CCAR1: variants seen among roughly 807,000 people sequenced by gnomAD.
CCAR1 encodes cell division cycle and apoptosis regulator protein 1.
Under a neutral mutation model 163.8 loss-of-function variants are expected in CCAR1, and 78 were observed. The ratio of observed to expected loss-of-function variants is 0.48; its 90% confidence interval spans 0.40 to 0.57. CCAR1 has a LOEUF of 0.57. Ranked by LOEUF, CCAR1 falls within the 20% of genes least tolerant of loss-of-function variation. The pLI, the probability that CCAR1 is intolerant of heterozygous loss-of-function variation, is 0.00. For synonymous variants in CCAR1, 443 were observed against 460.7 expected, an observed-to-expected ratio of 0.96 and a Z score of 0.49; for missense variants, 1,019 against 1,365.2, an observed-to-expected ratio of 0.75 and a Z score of 4.00.
chr10:68,766,075 T>C lies in CCAR1; in HGVS notation c.2294T>C (p.Phe765Ser). ...YRLEDNKEHSFEVSLFAELFN... is the reference protein window; with the variant it reads ...YRLEDNKEHSSEVSLFAELFN... ...TTAGAGGATAATAAAGAACATTCAT[T>C]TGAGGTAATGTTTTAAGTTTGAAAT... The change falls in exon 17 of 25, where the codon TTT becomes TCT. Residue 765 changes from phenylalanine to serine, a missense_variant. Coordinates refer to ENST00000265872, the MANE Select transcript of CCAR1 (RefSeq NM_018237.4). 6.3e-7 allele frequency: 1 copy of C among 1,595,162 alleles called. No homozygotes were observed. The highest frequency in any genetic ancestry group is 8.6e-7 in the Non-Finnish European group (1 of 1,163,416).
chr10:68,728,907 G>A (rs975086945), intron 2 of CCAR1, among the ~76,000 whole-genome samples: 17 of 151,512 alleles, frequency 1.1e-4, no homozygotes, highest in Non-Finnish European at 2.2e-4. Context: ...AGCCGAGATC[G>A]TGCCATTGCA....
At chr10:68,748,633 G>T (rs182112706) in intron 8 of CCAR1, among the ~76,000 whole-genome samples, 6 of 151,816 alleles carry the variant, frequency 4.0e-5, no homozygotes, top group Non-Finnish European at 1.5e-5. Flanking sequence ...GGGACTACAG[G>T]TGCGCGCCAC....
chr10:68,790,735 G>A (rs1008602236), intron 24 of CCAR1, among the ~76,000 whole-genome samples: 1 of 151,690 alleles, frequency 6.6e-6, no homozygotes, highest in Non-Finnish European at 1.5e-5. Flanking sequence ...CAGACCGGGC[G>A]CGGTGGCTCA....
At chr10:68,743,590 T>C (rs1236574707) in intron 6 of CCAR1, among the ~76,000 whole-genome samples, 3 of 152,020 alleles carry the variant, frequency 2.0e-5, no homozygotes, top group Non-Finnish European at 2.9e-5. Context: ...TCACCCAGGC[T>C]AGAGTGCAGT....
intron 2 of CCAR1, among the ~76,000 whole-genome samples, chr10:68,736,119 C>T (rs1564530519): frequency 6.6e-6 from 1 of 152,072 alleles, no homozygotes; most frequent in Non-Finnish European, 1.5e-5. Context: ...TCCCAGAGTT[C>T]TGGGATTGCA....
rs539397640 is a variant in CCAR1 at position 68,791,397 on chromosome 10, A to G, written c.*131A>G. The G allele has an allele frequency of 5.2e-5, 27 of 517,684 alleles. No individual in the cohort carries two copies. The highest frequency in any genetic ancestry group is 5.2e-4 in the African/African-American group (26 of 50,044). 32.1% of individuals were successfully genotyped at this position (517,684 alleles called of 1,614,324 possible). ...TGTATTTTAGTTCAAATGATGTATA[A>G]AGTTTTATGAATGTGAGTTTCTGCT... On this transcript the variant is annotated 3_prime_UTR_variant, in exon 25 of 25. Transcript: ENST00000265872.
intron 19 of CCAR1, among the ~76,000 whole-genome samples, chr10:68,781,019 G>A (rs2133421884): frequency 6.6e-6 from 1 of 151,084 alleles, no homozygotes; most frequent in East Asian, 2.0e-4. Context: ...ATCATTTGAG[G>A]TTAGGAGTTT....
rs1011800354 is a variant in CCAR1 at position 68,789,616 on chromosome 10, A to C, written c.3188-94A>C. On this transcript the variant is annotated intron_variant, in intron 23 of 24. Transcript: ENST00000265872. ...CATTGCCATTTTATGGAATTCTATC[A>C]GCTTTTTATTTTCACAGCTTAAATA... is the stretch of plus-strand genomic sequence containing the variant. 3 of 722,612 alleles carry C rather than the reference A, an allele frequency of 4.2e-6. No individual in the cohort carries two copies. The African/African-American group carries it at 5.4e-5, about 13-fold the overall frequency. The allele number at this position is 722,612 out of a possible 1,614,324, so 44.8% of individuals were successfully genotyped here.
intron 17 of CCAR1, among the ~76,000 whole-genome samples, chr10:68,769,411 A>T (rs2056573717): frequency 6.6e-6 from 1 of 152,162 alleles, no homozygotes. Context: ...GCCTGAGTTC[A>T]GGAGTTCAAG....
At chr10:68,744,832 T>C (rs922042838) in intron 6 of CCAR1, among the ~76,000 whole-genome samples, 18 of 150,744 alleles carry the variant, frequency 1.2e-4, no homozygotes, top group African/African-American at 4.1e-4. Context: ...TCTACTTAAC[T>C]CTTTTTTTTT....
At position 68,786,583 on chromosome 10, in the gene CCAR1, A is replaced by C; in HGVS notation, c.2771A>C (p.Asp924Ala). Residue 924 changes from aspartate to alanine, a missense_variant, in exon 21 of 25, where the codon GAT becomes GCT. Asp to Ala is a moderately radical substitution (Grantham distance 126, BLOSUM62 -2). Coordinates refer to ENST00000265872, the MANE Select transcript of CCAR1 (RefSeq NM_018237.4). ...ACTCAAATGATCACAATTAACAGAG[A>C]TCTGTTAATGGCTTTTGTTTATTTT... is the stretch of plus-strand genomic sequence containing the variant. Reference protein sequence around the residue: ...EKTQMITINRDLLMAFVYFDQ... With the variant: ...EKTQMITINRALLMAFVYFDQ... 1 of 1,587,176 alleles carries C rather than the reference A, an allele frequency of 6.3e-7. No homozygotes were observed. Among genetic ancestry groups the C allele is most frequent in the Non-Finnish European group, 8.6e-7 (1 of 1,165,222 alleles).
intron 8 of CCAR1, 94 bp downstream of exon 8, chr10:68,747,660 G>A: frequency 8.5e-7 from 1 of 1,182,742 alleles, no homozygotes; most frequent in East Asian, 2.4e-5. Context: ...GGGATTTCAA[G>A]AAAACTTGAA....
intron 17 of CCAR1, among the ~76,000 whole-genome samples, 169 bp from the exon 18 acceptor site, chr10:68,771,037 C>T (rs781426641): frequency 2.6e-5 from 4 of 151,730 alleles, no homozygotes; most frequent in Non-Finnish European, 5.9e-5. Context: ...AAGATCGTGC[C>T]GCTGCACTCC....
chr10:68,722,846 C>T (rs1195860497), intron 2 of CCAR1, among the ~76,000 whole-genome samples: 1 of 151,940 alleles, frequency 6.6e-6, no homozygotes, highest in Non-Finnish European at 1.5e-5. Context: ...CCCTTGAACC[C>T]GGGAGGTGGA....
intron 2 of CCAR1, among the ~76,000 whole-genome samples, chr10:68,734,754 G>T (rs545382093): frequency 2.0e-5 from 3 of 151,902 alleles, no homozygotes; most frequent in South Asian, 4.1e-4. Flanking sequence ...AAAATTTATT[G>T]CCCCAGGGAG....
chr10:68,735,782 C>T (rs577244959), intron 2 of CCAR1: 1 of 152,240 alleles, frequency 6.6e-6, no homozygotes, highest in East Asian at 1.9e-4. Flanking sequence ...CAGTCAGTAA[C>T]TGAATAACCG....
Position 68,766,046 on chromosome 10 carries a change from C to T in CCAR1, c.2265C>T (p.Tyr755=), listed in dbSNP as rs1261406327. The change falls in exon 17 of 25, where the codon TAC becomes TAT. Residue 755 remains tyrosine, a synonymous_variant. Coordinates refer to ENST00000265872, the MANE Select transcript of CCAR1 (RefSeq NM_018237.4). The part of the protein sequence containing the change: ...SIMSLSVLLD[Y]RLEDNKEHSF... ...TGTCTTTGAGTGTCCTATTGGACTA[C>T]AGATTAGAGGATAATAAAGAACATT... 37 of 1,612,544 alleles carry T rather than the reference C, an allele frequency of 2.3e-5. No homozygotes were observed. Among genetic ancestry groups the T allele is most frequent in the Non-Finnish European group, 2.8e-5 (33 of 1,178,958 alleles).
In CCAR1 at chr10:68,754,811, C is replaced by T; in HGVS notation, c.1442C>T (p.Pro481Leu). The change falls in exon 12 of 25, where the codon CCT (proline) becomes CTT (leucine). Residue 481 changes from proline (P) to leucine (L), a missense_variant. Physicochemically the swap from Pro to Leu is moderately conservative, Grantham distance 98. This residue lies in a region of CCAR1 where 644 missense variants were observed against 904.4 expected (regional missense o/e 0.71). Transcript: ENST00000265872. Reference sequence around the variant, plus strand: ...GAACTTCGAGATGGATTCCAACATCCTGCTAGACTTGTTAAGGTAAAAGGA... The same window carrying T: ...GAACTTCGAGATGGATTCCAACATCTTGCTAGACTTGTTAAGGTAAAAGGA... ...PQELRDGFQH[P>L]ARLVKFLVGM... 6.3e-7 allele frequency: 1 copy of T among 1,587,710 alleles called. No individual in the cohort carries two copies. Among genetic ancestry groups the T allele is most frequent in the Non-Finnish European group, 8.6e-7 (1 of 1,156,112 alleles).
intron 17 of CCAR1, 37 bp downstream of exon 17, chr10:68,766,116 T>A: frequency 7.7e-7 from 1 of 1,296,504 alleles, no homozygotes; most frequent in Non-Finnish European, 1.1e-6. Flanking sequence ...CCATATAAGG[T>A]CCACACATTA....
Sources: gnomAD v4.1 joint callset for allele counts (sites outside exome capture counted in the v4.1 genomes callset) on GRCh38, gnomAD v4.1.1 for gene constraint, gnomAD v4.1.1 regional missense constraint, MANE v1.5 for transcripts, NCBI Gene and HGNC (gene_info 2026-07-23, HGNC 2026-07-21) for gene names.